Variants in PPL observed in about 807,000 individuals in gnomAD.
PPL encodes the protein periplakin, also known as 190 kDa paraneoplastic pemphigus antigen.
In PPL, 198 loss-of-function variants were observed where a neutral mutation model predicts 194.4. That is an observed-to-expected ratio of 1.02 (90% CI 0.91 to 1.15). PPL has a LOEUF of 1.15. Among genes scored for constraint, PPL ranks in the 50% most tolerant of loss-of-function variants. The pLI is 0.00. For missense variants in PPL, 2,885 were observed against 2,294.8 expected (o/e 1.26, Z -5.25); for synonymous variants, 1,220 against 972.4 (o/e 1.25, Z -4.74).
intron 9 of PPL, 40 bp from the exon 10 acceptor site, chr16:4,895,756 T>C: frequency 6.2e-7 from 1 of 1,612,816 alleles, no homozygotes; most frequent in Non-Finnish European, 8.5e-7. Context: ...AGGAAACCAC[T>C]AGAAGCACCT....
At chr16:4,889,188 C>T in intron 18 of PPL, 127 bp from the exon 19 acceptor site, 2 of 683,010 alleles carry the variant, frequency 2.9e-6, no homozygotes, top group Admixed American at 2.1e-5. Flanking sequence ...TGATGAATGG[C>T]TCCCTTGTAT....
chr16:4,914,614 C>T (rs2088883609), intron 1 of PPL, among the ~76,000 whole-genome samples: 1 of 152,184 alleles, frequency 6.6e-6, no homozygotes, highest in African/African-American at 2.4e-5. Flanking sequence ...AAAGTGGGGT[C>T]CCAGGAACCC....
chr16:4,886,901 G>C (rs1398457060), intron 21 of PPL, among the ~76,000 whole-genome samples: 1 of 152,238 alleles, frequency 6.6e-6, no homozygotes, highest in Non-Finnish European at 1.5e-5. Flanking sequence ...TTACAAGCGT[G>C]AGCCACCATG....
chr16:4,889,421 A>ATT (rs201889512), intron 18 of PPL, among the ~76,000 whole-genome samples: 8 of 149,274 alleles, frequency 5.4e-5, no homozygotes, highest in Non-Finnish European at 8.9e-5. Flanking sequence ...TACCCAGCTA[A>ATT]TTTTTTTTTG....
rs759216640 is a variant in PPL, at chr16:4,903,992, T to C, written c.211A>G (p.Thr71Ala). ...TCAGAGTCCAACACCTTCTGCAGGG[T>C]CACGTCCCGGTGCTCAGGCTGCCGA... Reference protein sequence around the residue: ...EGRQPEHRDVTLQKVLDSEKL... With the variant: ...EGRQPEHRDVALQKVLDSEKL... Residue 71 changes from threonine to alanine, a missense_variant, in exon 3 of 22, where the codon ACC (threonine) becomes GCC (alanine). By Grantham distance (58) the Thr-to-Ala change is moderately conservative. Coordinates refer to ENST00000345988, the MANE Select transcript of PPL (RefSeq NM_002705.5). 4 of 1,613,448 alleles carry C rather than the reference T, an allele frequency of 2.5e-6. No homozygotes were observed. The highest frequency in any genetic ancestry group is 2.5e-6 in the Non-Finnish European group (3 of 1,180,000).
rs761552872 is a variant in PPL at position 4,898,999 on chromosome 16, C to T, written c.876+14G>A. On this transcript the variant is annotated intron_variant, in intron 8 of 21. Coordinates refer to ENST00000345988, the MANE Select transcript of PPL (RefSeq NM_002705.5). ...CCACCCTGGGGGAGGTGTCTGGTCT[C>T]GGGGTGCATGAACCTCAATGGAGTT... 21 of 1,610,586 alleles carry T rather than the reference C, an allele frequency of 1.3e-5. No homozygotes were observed. The East Asian group carries it at 1.8e-4, about 14-fold the overall frequency.
At position 4,890,836 on chromosome 16, in the gene PPL, G is replaced by C. The variant is rs61734741; in HGVS notation, c.2054C>G (p.Thr685Arg). The C allele has an allele frequency of 2.8e-3, 4,449 of 1,577,394 alleles. 95 individuals are homozygous for C. The African/African-American group carries it at 0.05, about 18-fold the overall frequency. ...NLQAAKQCSS[T>R]LASRFQEHCP... ...GTGCTCCTGGAAGCGGCTGGCCAGTGTGCTCGAGCACTGCTTGGCCGCCTG... is the reference window on the plus strand; with the variant it reads ...GTGCTCCTGGAAGCGGCTGGCCAGTCTGCTCGAGCACTGCTTGGCCGCCTG... The change falls in exon 17 of 22, where the codon ACA (threonine) becomes AGA (arginine). Residue 685 changes from threonine (T) to arginine (R), a missense_variant. Physicochemically the swap from Thr to Arg is moderately conservative, Grantham distance 71. Transcript: ENST00000345988.
chr16:4,928,545 T>G (rs2089188114), intron 1 of PPL, among the ~76,000 whole-genome samples: 2 of 152,228 alleles, frequency 1.3e-5, no homozygotes, highest in African/African-American at 4.8e-5. Flanking sequence ...TTGCAGAATT[T>G]TTTGCTGCCC....
chr16:4,903,765 C>A, intron 3 of PPL, 121 bp downstream of exon 3: 1 of 1,185,698 alleles, frequency 8.4e-7, no homozygotes, highest in Admixed American at 2.2e-5. Context: ...TTGGCACGTG[C>A]CTGGCACCTA....
At chr16:4,906,736 G>T (rs759928128) in intron 2 of PPL, among the ~76,000 whole-genome samples, 2 of 152,212 alleles carry the variant, frequency 1.3e-5, no homozygotes, top group Non-Finnish European at 2.9e-5. Context: ...AAGTCGGGCA[G>T]AACTGATCGA....
intron 12 of PPL, among the ~76,000 whole-genome samples, chr16:4,894,105 G>A (rs2088372861): frequency 6.6e-6 from 1 of 152,174 alleles, no homozygotes; most frequent in East Asian, 1.9e-4. Context: ...TGCGTGCAGT[G>A]GAAGAAGGTG....
intron 9 of PPL, among the ~76,000 whole-genome samples, chr16:4,897,456 A>G (rs946640968): frequency 7.2e-5 from 11 of 151,890 alleles, no homozygotes; most frequent in African/African-American, 2.7e-4. Flanking sequence ...GGGGAATCAG[A>G]CTCTGGCCCT....
chr16:4,913,833 G>A (rs1260297752), intron 1 of PPL, among the ~76,000 whole-genome samples: 2 of 152,350 alleles, frequency 1.3e-5, no homozygotes, highest in South Asian at 2.1e-4. Flanking sequence ...GGCTAGGCAC[G>A]CAGAAGTTGC....
intron 12 of PPL, 173 bp from the exon 13 acceptor site, chr16:4,893,811 A>C (rs1188264719): frequency 3.4e-6 from 2 of 593,858 alleles, no homozygotes; most frequent in African/African-American, 3.7e-5. Flanking sequence ...CTGGGCTCAG[A>C]GCTCTTCTCC....
rs1361931651 is a variant in PPL at position 4,936,941 on chromosome 16, G to A, written c.62+43C>T. On this transcript the variant is annotated intron_variant, in intron 1 of 21. Transcript: ENST00000345988. ...GTCTTCCAGGTCCTGTGCGCCCACA[G>A]GGGCAAGAGCGTCCCGGAGCGGAGC... The A allele has an allele frequency of 3.8e-6, 6 of 1,560,456 alleles. No homozygotes were observed. The East Asian group carries it at 1.2e-4, about 32-fold the overall frequency.
intron 17 of PPL, 52 bp from the exon 18 acceptor site, chr16:4,890,386 G>A (rs11644917): frequency 0.6 from 902,781 of 1,509,044 alleles, 280,245 homozygotes; most frequent in East Asian, 0.68. Context: ...ATGCCTCACC[G>A]AGCCCTCATT....
intron 6 of PPL, 57 bp downstream of exon 6, chr16:4,900,773 C>G (rs1568015421): frequency 1.2e-6 from 2 of 1,610,694 alleles, no homozygotes; most frequent in East Asian, 4.5e-5. Context: ...CCCCCCGACT[C>G]CAAGCTTCCC....
At position 4,883,750 on chromosome 16, in the gene PPL, C is replaced by T; in HGVS notation, c.4905G>A (p.Glu1635=). Residue 1635 remains glutamate, a synonymous_variant, in exon 22 of 22, where the codon GAG becomes GAA. Transcript: ENST00000345988. This position sits in a 1 kb window ranked among gnomAD's most constrained non-coding sequence, Gnocchi z 4.8. ...LSKDKDLEID[E]LQKRLGSVAV... ...CCACGGAGCCCAGGCGCTTCTGCAG[C>T]TCGTCGATCTCGAGGTCTTTGTCCT... The T allele has an allele frequency of 1.2e-6, 2 of 1,614,080 alleles. No individual in the cohort carries two copies. The highest frequency in any genetic ancestry group is 3.3e-5 in the Admixed American group (2 of 60,032).
chr16:4,925,899 G>A (rs575929746), intron 1 of PPL, among the ~76,000 whole-genome samples: 6 of 152,346 alleles, frequency 3.9e-5, no homozygotes, highest in African/African-American at 1.4e-4. Context: ...ACCCAGGGAA[G>A]CAGAGTGATT....
Sources: allele counts gnomAD v4.1 joint callset (sites outside exome capture counted in the v4.1 genomes callset), GRCh38; gene constraint gnomAD v4.1.1; non-coding constraint Gnocchi (gnomAD v3.1); transcripts MANE v1.5; gene names NCBI Gene and HGNC (gene_info 2026-07-23, HGNC 2026-07-21).